The following ARHGEF26 variants were observed in gnomAD, a reference collection of about 807,000 sequenced individuals.
ARHGEF26 encodes Rho guanine nucleotide exchange factor (GEF) 26.
In ARHGEF26, 59 loss-of-function variants were observed where a neutral mutation model predicts 89.4. The observed-to-expected ratio is 0.66, with a 90% CI of 0.54 to 0.82. ARHGEF26 has a LOEUF of 0.82. Among genes scored for constraint, ARHGEF26 ranks in the 40% least tolerant of loss-of-function variants. The pLI is 0.00. For missense variants in ARHGEF26, 1,234 were observed against 1,085.6 expected, an observed-to-expected ratio of 1.14 and a Z score of -1.92; for synonymous variants, 500 against 428.4, an observed-to-expected ratio of 1.17 and a Z score of -2.06.
chr3:154,244,283 T>G (rs1717662834), intron 12 of ARHGEF26, among the ~76,000 whole-genome samples: 1 of 152,234 alleles, frequency 6.6e-6, no homozygotes, highest in Non-Finnish European at 1.5e-5. Context: ...GGGGTGCAGC[T>G]GTTTGGCACA....
At chr3:154,160,264 C>T (rs570623602) in intron 6 of ARHGEF26, among the ~76,000 whole-genome samples, 4 of 152,226 alleles carry the variant, frequency 2.6e-5, no homozygotes, top group South Asian at 4.1e-4. Context: ...TATCAACAAC[C>T]AGTGTCTGGA....
intron 4 of ARHGEF26, among the ~76,000 whole-genome samples, chr3:154,147,115 A>T (rs1340532779): frequency 6.6e-6 from 1 of 152,208 alleles, no homozygotes; most frequent in East Asian, 1.9e-4. Flanking sequence ...TGTATATTTT[A>T]AAAATGAGGC....
chr3:154,156,712 G>T (rs1720360905), intron 6 of ARHGEF26, among the ~76,000 whole-genome samples: 1 of 152,172 alleles, frequency 6.6e-6, no homozygotes, highest in Non-Finnish European at 1.5e-5. Context: ...AGGCCTGCTT[G>T]TTGAACTTCA....
chr3:154,184,740 A>G (rs547292272), intron 6 of ARHGEF26, among the ~76,000 whole-genome samples: 80 of 152,024 alleles, frequency 5.3e-4, no homozygotes, highest in Non-Finnish European at 4.9e-4. Context: ...GTTCCTCCCT[A>G]CTAGTAATCC....
At chr3:154,146,202 A>G (rs1399411865) in intron 4 of ARHGEF26, among the ~76,000 whole-genome samples, 2 of 152,206 alleles carry the variant, frequency 1.3e-5, no homozygotes, top group Non-Finnish European at 2.9e-5. Context: ...CCTTCTTGCT[A>G]CATCTTCACG....
intron 11 of ARHGEF26, among the ~76,000 whole-genome samples, chr3:154,238,123 G>T (rs922018240): frequency 3.9e-5 from 6 of 152,112 alleles, no homozygotes; most frequent in African/African-American, 1.2e-4. Flanking sequence ...AAAATTGACT[G>T]CTTTGTTTCT....
chr3:154,191,276 T>C lies in ARHGEF26; in HGVS notation c.1641-13T>C. ...AATATTTTGAAGTTTCTCTTTTCTTTGTTTTCCCTCAGAGCTACCAATCCA... is the reference window on the plus strand; with the variant it reads ...AATATTTTGAAGTTTCTCTTTTCTTCGTTTTCCCTCAGAGCTACCAATCCA... On this transcript the variant is annotated splice_polypyrimidine_tract_variant and intron_variant, in intron 7 of 14. Transcript: ENST00000465093. 3.1e-6 allele frequency: 5 copies of C among 1,591,686 alleles called. No homozygotes were observed. Among genetic ancestry groups the C allele is most frequent in the Non-Finnish European group, 4.3e-6 (5 of 1,171,444 alleles).
intron 9 of ARHGEF26, among the ~76,000 whole-genome samples, chr3:154,202,373 T>G (rs897721157): frequency 1.3e-5 from 2 of 152,218 alleles, no homozygotes; most frequent in Admixed American, 6.5e-5. Context: ...TATCTCTGTT[T>G]TGGTACCAGT....
chr3:154,189,491 C>T (rs1363131223), intron 7 of ARHGEF26, among the ~76,000 whole-genome samples: 7 of 151,976 alleles, frequency 4.6e-5, no homozygotes, highest in South Asian at 2.1e-4. Context: ...GTGCATGCCA[C>T]CACACCCAGT....
intron 12 of ARHGEF26, among the ~76,000 whole-genome samples, chr3:154,245,097 G>A (rs1302703771): frequency 2.0e-5 from 3 of 152,106 alleles, no homozygotes; most frequent in East Asian, 1.9e-4. Flanking sequence ...GCACGATCTC[G>A]GCTCACTGCA....
rs201991949 is a variant in ARHGEF26, at chr3:154,147,265, C to G, written c.1270-2124C>G. 3.3e-5 allele frequency among the ~76,000 whole-genome samples: 5 copies of G among 152,264 alleles called. No individual in the cohort carries two copies. In the East Asian group the frequency reaches 7.7e-4, roughly 24 times the overall value. On this transcript the variant is annotated intron_variant, in intron 4 of 14. Coordinates refer to ENST00000465093, the MANE Select transcript of ARHGEF26 (RefSeq NM_015595.4). ...ACTAAAAATACAAATATTAGCCAGG[C>G]ACTGTGGTGCACGCCTATAATCTCA...
chr3:154,181,381 A>G (rs2108162582), intron 6 of ARHGEF26, among the ~76,000 whole-genome samples: 1 of 152,316 alleles, frequency 6.6e-6, no homozygotes, highest in South Asian at 2.1e-4. Flanking sequence ...CTGGTAGGAT[A>G]CTGCAGCCAT....
At chr3:154,235,331 G>A (rs1224643801) in intron 11 of ARHGEF26, among the ~76,000 whole-genome samples, 2 of 151,898 alleles carry the variant, frequency 1.3e-5, no homozygotes, top group Non-Finnish European at 2.9e-5. Flanking sequence ...CCATATTAAG[G>A]GTTTTGTGGG....
chr3:154,181,267 A>T (rs1412773489), intron 6 of ARHGEF26, among the ~76,000 whole-genome samples: 1 of 152,158 alleles, frequency 6.6e-6, no homozygotes, highest in Non-Finnish European at 1.5e-5. Flanking sequence ...TATCTGGAAT[A>T]TTTCTTTGTT....
intron 9 of ARHGEF26, among the ~76,000 whole-genome samples, chr3:154,216,502 A>ATTT (rs1293834056): frequency 2.0e-5 from 1 of 49,114 alleles, no homozygotes; most frequent in Non-Finnish European, 3.9e-5. Context: ...ATTTTTTTTT[A>ATTT]TTTTTTATTT....
intron 9 of ARHGEF26, among the ~76,000 whole-genome samples, chr3:154,208,734 T>C (rs1341681025): frequency 2.0e-5 from 3 of 151,542 alleles, no homozygotes; most frequent in Non-Finnish European, 4.4e-5. Context: ...ATTAAAGGAC[T>C]CTGGTGCAGT....
intron 4 of ARHGEF26, among the ~76,000 whole-genome samples, chr3:154,145,178 G>A (rs1025041130): frequency 2.0e-5 from 3 of 152,136 alleles, no homozygotes; most frequent in African/African-American, 4.8e-5. Flanking sequence ...CTGGACTCTG[G>A]CAGATTTTTC....
At position 154,256,101 on chromosome 3, in the gene ARHGEF26, G is replaced by C. The variant is rs1718486479; in HGVS notation, c.*628G>C. 1.0e-6 allele frequency: 1 copy of C among 984,830 alleles called. No homozygotes were observed. The highest frequency in any genetic ancestry group is 1.2e-6 in the Non-Finnish European group (1 of 829,430). The allele number at this position is 984,830 out of a possible 1,614,324, so 61.0% of individuals were successfully genotyped here. On this transcript the variant is annotated 3_prime_UTR_variant, in exon 15 of 15. Transcript: ENST00000465093. ...AAGGAAAGTAGAAAGCCTTACTTTA[G>C]GATTTTTAAAAAAAAATCCATCTCA...
chr3:154,214,846 G>C (rs1235036131), intron 9 of ARHGEF26, among the ~76,000 whole-genome samples: 1 of 152,100 alleles, frequency 6.6e-6, no homozygotes, highest in African/African-American at 2.4e-5. Flanking sequence ...TTGGCTCTTA[G>C]CTTTGATCAG....
Sources: gnomAD v4.1 joint callset for allele counts (sites outside exome capture counted in the v4.1 genomes callset) on GRCh38, gnomAD v4.1.1 for gene constraint, MANE v1.5 for transcripts, NCBI Gene and HGNC (gene_info 2026-07-23, HGNC 2026-07-21) for gene names.